CACNA2D3: variants seen among roughly 807,000 people sequenced by gnomAD.
The protein encoded by CACNA2D3 is voltage-dependent calcium channel subunit alpha-2/delta-3.
Under a neutral mutation model 160.6 loss-of-function variants are expected in CACNA2D3, and 60 were observed. The ratio of observed to expected loss-of-function variants is 0.37; its 90% CI spans 0.30 to 0.46. CACNA2D3 has a LOEUF of 0.46. Among genes scored for constraint, CACNA2D3 ranks in the 20% least tolerant of loss-of-function variants. The pLI is 1.00. For missense variants in CACNA2D3, 1,205 were observed against 1,365.0 expected (o/e 0.88, Z 1.85); for synonymous variants, 558 against 492.9 (o/e 1.13, Z -1.75).
chr3:54,350,968 G>GGTTT (rs1698542647), intron 3 of CACNA2D3, among the ~76,000 whole-genome samples: 1 of 56,106 alleles, frequency 1.8e-5, no homozygotes, highest in Non-Finnish European at 3.5e-5. Flanking sequence ...TCTTGAGTCT[G>GGTTT]TTTTTTTTTT....
rs190198313 is a variant in CACNA2D3, at chr3:54,229,376, G to T, written c.205-91066G>T. On this transcript the variant is annotated intron_variant, in intron 2 of 37. Transcript: ENST00000474759. ...CCGGCTGATTTTTGTATTTTGTTTA[G>T]TAGAGACGGGGTTTCACCATGTTAG... 2.0e-5 allele frequency among the ~76,000 whole-genome samples: 3 copies of T among 152,112 alleles called. No homozygotes were observed. The East Asian group carries it at 5.8e-4, about 30-fold the overall frequency.
chr3:54,308,804 T>C (rs909999915), intron 2 of CACNA2D3, among the ~76,000 whole-genome samples: 1 of 152,216 alleles, frequency 6.6e-6, no homozygotes, highest in Non-Finnish European at 1.5e-5. Flanking sequence ...TAATACATTA[T>C]TGTTATTGTG....
chr3:54,284,281 A>G (rs1702955016), intron 2 of CACNA2D3, among the ~76,000 whole-genome samples: 1 of 151,728 alleles, frequency 6.6e-6, no homozygotes, highest in South Asian at 2.1e-4. Flanking sequence ...AATAAAAAAT[A>G]AAATTAAATT....
Position 54,180,935 on chromosome 3 carries a change from T to C in CACNA2D3, c.204+57341T>C, listed in dbSNP as rs187327101. 9.3e-4 allele frequency among the ~76,000 whole-genome samples: 142 copies of C among 152,312 alleles called. 1 individual carries two copies. Among genetic ancestry groups the C allele is most frequent in the Non-Finnish European group, 1.6e-3 (106 of 68,032 alleles). On this transcript the variant is annotated intron_variant, in intron 2 of 37. Transcript: ENST00000474759. The stretch of plus-strand genomic sequence containing the variant: ...TTGCAAAAGGAGGCTACCTGATAGA[T>C]GTTAACCTTCAGTAGATATCTCTGA...
intron 5 of CACNA2D3, among the ~76,000 whole-genome samples, chr3:54,526,324 G>T (rs1701722052): frequency 6.6e-6 from 1 of 151,962 alleles, no homozygotes; most frequent in Admixed American, 6.6e-5. Flanking sequence ...ACAATTTCTG[G>T]TCACTCTCAC....
intron 11 of CACNA2D3, among the ~76,000 whole-genome samples, chr3:54,717,900 C>T (rs565027250): frequency 2.3e-4 from 35 of 151,736 alleles, no homozygotes; most frequent in Admixed American, 1.2e-3. Flanking sequence ...TGTGTGTGTT[C>T]TGCATCTGGG....
Position 54,883,300 on chromosome 3 carries a change from G to A in CACNA2D3, c.1913-1981G>A, listed in dbSNP as rs573888295. 2.2e-3 allele frequency among the ~76,000 whole-genome samples: 335 copies of A among 152,312 alleles called. 1 individual carries two copies. The highest frequency in any genetic ancestry group is 3.4e-3 in the Middle Eastern group (1 of 294). ...GCCTCCGAAAGTGCTGGGGTTACAGGTGTGAGCCACCGCGCCTGGCCACTT... is the reference window on the plus strand; with the variant it reads ...GCCTCCGAAAGTGCTGGGGTTACAGATGTGAGCCACCGCGCCTGGCCACTT... On this transcript the variant is annotated intron_variant, in intron 21 of 37. Transcript: ENST00000474759.
At position 55,006,278 on chromosome 3, in the gene CACNA2D3, T is replaced by C. The variant is rs562342418; in HGVS notation, c.2766+1440T>C. 4.3e-4 allele frequency among the ~76,000 whole-genome samples: 65 copies of C among 152,364 alleles called. No individual in the cohort carries two copies. The South Asian group carries it at 5.0e-3, about 12-fold the overall frequency. On this transcript the variant is annotated intron_variant, in intron 32 of 37. Transcript: ENST00000474759. The stretch of plus-strand genomic sequence containing the variant: ...TTTGTTTACTCATATATTGAGCCAA[T>C]GCCTGGCATGGAATGCCTGAGTGCC...
At chr3:55,061,660 A>T (rs1704510329) in intron 35 of CACNA2D3, among the ~76,000 whole-genome samples, 1 of 152,242 alleles carries the variant, frequency 6.6e-6, no homozygotes. Context: ...AGCACAGGAA[A>T]GCTGCCAGTG....
chr3:54,747,471 A>G (rs1244276665), intron 11 of CACNA2D3, among the ~76,000 whole-genome samples: 3 of 152,166 alleles, frequency 2.0e-5, no homozygotes, highest in Non-Finnish European at 2.9e-5. Context: ...AATGGAATGG[A>G]CAGCCAGGTT....
At chr3:54,674,717 G>C (rs1700210591) in intron 11 of CACNA2D3, among the ~76,000 whole-genome samples, 2 of 152,182 alleles carry the variant, frequency 1.3e-5, no homozygotes, top group Non-Finnish European at 2.9e-5. Flanking sequence ...GAGGATAAGA[G>C]AGAGGTGGTA....
chr3:54,187,620 C>T (rs920402630), intron 2 of CACNA2D3, among the ~76,000 whole-genome samples: 1 of 152,066 alleles, frequency 6.6e-6, no homozygotes, highest in Non-Finnish European at 1.5e-5. Flanking sequence ...GGGCAGCAGT[C>T]CCCAACCTTT....
intron 3 of CACNA2D3, among the ~76,000 whole-genome samples, chr3:54,337,850 A>C (rs1704422484): frequency 1.3e-5 from 2 of 152,176 alleles, no homozygotes; most frequent in Admixed American, 1.3e-4. Context: ...GCACAACTCC[A>C]CGGGAGGTGG....
At chr3:54,243,212 A>G (rs111879798) in intron 2 of CACNA2D3, among the ~76,000 whole-genome samples, 1 of 152,188 alleles carries the variant, frequency 6.6e-6, no homozygotes, top group Non-Finnish European at 1.5e-5. Context: ...CCAAGGCTGG[A>G]AACTACCCAG....
intron 4 of CACNA2D3, among the ~76,000 whole-genome samples, chr3:54,443,976 A>G (rs1458638329): frequency 6.6e-6 from 1 of 152,124 alleles, no homozygotes; most frequent in Non-Finnish European, 1.5e-5. Context: ...TGTGTTGCTC[A>G]ACATTTGCAG....
In CACNA2D3 at chr3:55,032,903, G is replaced by A. The variant is rs533770595; in HGVS notation, c.2987+14586G>A. On this transcript the variant is annotated intron_variant, in intron 35 of 37. Coordinates refer to ENST00000474759, the MANE Select transcript of CACNA2D3 (RefSeq NM_018398.3). ...CTCAGAAAGCTGTTGATTGAGACGA[G>A]GTTTCCCAAGAGAATAACTTTGTAA... 6.2e-4 allele frequency among the ~76,000 whole-genome samples: 78 copies of A among 125,700 alleles called. 1 individual carries two copies. The highest frequency in any genetic ancestry group is 2.2e-3 in the African/African-American group (73 of 33,736). 82.5% of individuals were successfully genotyped at this position (125,700 alleles called of 152,430 possible).
At chr3:54,127,406 T>G (rs1253639191) in intron 2 of CACNA2D3, among the ~76,000 whole-genome samples, 2 of 152,190 alleles carry the variant, frequency 1.3e-5, no homozygotes, top group Non-Finnish European at 2.9e-5. Context: ...AAGTAAAAGG[T>G]TGGTGCTTTA....
intron 9 of CACNA2D3, among the ~76,000 whole-genome samples, chr3:54,592,244 G>A (rs1157116877): frequency 6.6e-6 from 1 of 152,178 alleles, no homozygotes; most frequent in African/African-American, 2.4e-5. Context: ...TTAAAACAGA[G>A]GAAAGGTTAG....
intron 2 of CACNA2D3, among the ~76,000 whole-genome samples, chr3:54,257,713 TA>T (rs1159583883): frequency 3.9e-5 from 6 of 152,110 alleles, no homozygotes; most frequent in African/African-American, 1.4e-4. Context: ...TCAATGAGTA[TA>T]AAAAAATAAA....
Sources: allele counts gnomAD v4.1 joint callset (sites outside exome capture counted in the v4.1 genomes callset), GRCh38; gene constraint gnomAD v4.1.1; transcripts MANE v1.5; gene names NCBI Gene and HGNC (gene_info 2026-07-23, HGNC 2026-07-21).